Variants in ARHGAP39 observed in about 807,000 individuals in gnomAD.
ARHGAP39 encodes the protein rho GTPase-activating protein 39.
ARHGAP39 carries 44 observed loss-of-function variants against 106.9 expected under a neutral mutation model. The ratio of observed to expected loss-of-function variants is 0.41; its 90% CI spans 0.32 to 0.53. The LOEUF (loss-of-function observed/expected upper bound fraction) is 0.53. Ranked by LOEUF, ARHGAP39 falls within the 20% of genes least tolerant of loss-of-function variation. The pLI, the probability that ARHGAP39 is intolerant of heterozygous loss-of-function variation, is 0.21. For synonymous variants in ARHGAP39, 768 were observed against 693.2 expected (o/e 1.11, Z -1.69); for missense variants, 1,496 against 1,577.3 (o/e 0.95, Z 0.87).
At chr8:144,557,625 A>G (rs1165874026) in intron 3 of ARHGAP39, among the ~76,000 whole-genome samples, 1 of 146,510 alleles carries the variant, frequency 6.8e-6, no homozygotes, top group East Asian at 2.0e-4. Flanking sequence ...GAACCTTCGT[A>G]GTATTCAGAG....
intron 3 of ARHGAP39, 85 bp downstream of exon 3, chr8:144,580,761 C>CT: frequency 6.7e-6 from 1 of 149,934 alleles, no homozygotes; most frequent in Non-Finnish European, 1.4e-5. Flanking sequence ...TCACCTGGCC[C>CT]CGCCCACCAC....
intron 1 of ARHGAP39, among the ~76,000 whole-genome samples, chr8:144,674,512 G>A (rs1219991406): frequency 6.6e-6 from 1 of 152,176 alleles, no homozygotes; most frequent in Admixed American, 6.5e-5. Context: ...GGGTGGCCAT[G>A]GGCAGGCCCA....
In ARHGAP39 at chr8:144,545,630, C is replaced by T. The variant is rs746640924; in HGVS notation, c.2140G>A (p.Val714Met). 7 of 1,613,570 alleles carry T rather than the reference C, an allele frequency of 4.3e-6. No individual in the cohort carries two copies. In the Admixed American group the frequency reaches 8.3e-5, roughly 19 times the overall value. ...KHTQGLFRRKVSIANMLAWSS... is the reference protein window; with the variant it reads ...KHTQGLFRRKMSIANMLAWSS... ...CAGGCCAGCATGTTGGCGATGGACA[C>T]CTTCCGCCGGAAGAGGCCCTGCGTG... The change falls in exon 6 of 12, where the codon GTG becomes ATG. Residue 714 changes from valine (V) to methionine (M), a missense_variant. This residue lies in a region of ARHGAP39 where 470 missense variants were observed against 605.1 expected (regional missense o/e 0.78). Coordinates refer to ENST00000377307, the MANE Select transcript of ARHGAP39 (RefSeq NM_025251.3).
intron 10 of ARHGAP39, among the ~76,000 whole-genome samples, chr8:144,531,207 A>T (rs572067058): frequency 0.06 from 7,864 of 131,560 alleles, 1,434 homozygotes; most frequent in African/African-American, 0.29. Flanking sequence ...GCAGGTGGGG[A>T]GTGGGCTAGA....
rs1205756211 is a variant in ARHGAP39 at position 144,587,444 on chromosome 8, G to T, written c.81-6167C>A. On this transcript the variant is annotated intron_variant, in intron 2 of 11. Transcript: ENST00000377307. ...GTAGAGGGTGTATAAAGAATTGAGT[G>T]GAAAATCTAAAATGTCAAAATAAAT... Among the ~76,000 whole-genome samples, 3 of 152,230 alleles carry T rather than the reference G, an allele frequency of 2.0e-5. No homozygotes were observed. The East Asian group carries it at 5.8e-4, about 29-fold the overall frequency.
intron 6 of ARHGAP39, among the ~76,000 whole-genome samples, chr8:144,538,732 G>A (rs1193708601): frequency 1.3e-5 from 2 of 152,068 alleles, no homozygotes; most frequent in Admixed American, 6.6e-5. Context: ...CACCACATCT[G>A]ACTAATTTTT....
rs1392617577 is a variant in ARHGAP39 at position 144,537,808 on chromosome 8, G to C, written c.2527C>G (p.Gln843Glu). ...MDPVNDTKVT[Q>E]HIKELLERNT... ...CTTTCCAGGAGCTCTTTTATGTGCT[G>C]TGTCACTGGGGAGCAAAGACAACCA... Residue 843 changes from glutamine (Q) to glutamate (E), a missense_variant, in exon 7 of 12, where the codon CAG becomes GAG. Around this residue, in one of 4 missense-constraint regions of ARHGAP39, gnomAD observed 470 missense variants for 605.1 expected, o/e 0.78. Coordinates refer to ENST00000377307, the MANE Select transcript of ARHGAP39 (RefSeq NM_025251.3). The C allele has an allele frequency of 2.5e-6, 4 of 1,613,820 alleles. No individual in the cohort carries two copies. Among genetic ancestry groups the C allele is most frequent in the African/African-American group, 2.7e-5 (2 of 74,926 alleles).
At chr8:144,685,186 C>A (rs1461666321) in intron 1 of ARHGAP39, among the ~76,000 whole-genome samples, 3 of 149,708 alleles carry the variant, frequency 2.0e-5, no homozygotes. Context: ...TCACACCCCC[C>A]TGGGGCCGGA....
chr8:144,609,553 C>G (rs1281454538), intron 1 of ARHGAP39, among the ~76,000 whole-genome samples: 1 of 151,984 alleles, frequency 6.6e-6, no homozygotes, highest in Admixed American at 6.6e-5. Context: ...AGGCACCCAC[C>G]ACTATGCCCA....
chr8:144,670,423 A>G lies in ARHGAP39; in HGVS notation c.-82+15263T>C, dbSNP rs1283787092. On this transcript the variant is annotated intron_variant, in intron 1 of 11. Coordinates refer to ENST00000377307, the MANE Select transcript of ARHGAP39 (RefSeq NM_025251.3). The surrounding 1 kb of genome is among the most constrained non-coding windows in gnomAD (Gnocchi z 4.4). ...ACCTCTGCCATCTCCCCTCAGCCTCAGCCCCACTGTCATTCACCTAAACCA... is the reference window on the plus strand; with the variant it reads ...ACCTCTGCCATCTCCCCTCAGCCTCGGCCCCACTGTCATTCACCTAAACCA... Among the ~76,000 whole-genome samples, 2 of 152,138 alleles carry G rather than the reference A, an allele frequency of 1.3e-5. No homozygotes were observed. The highest frequency in any genetic ancestry group is 2.9e-5 in the Non-Finnish European group (2 of 68,010).
In ARHGAP39 at chr8:144,620,241, CTGTT is replaced by C. The variant is rs142192998; in HGVS notation, c.-81-14550_-81-14547del. On this transcript the variant is annotated intron_variant, in intron 1 of 11. Transcript: ENST00000377307. ...CCTGAGAAAGTGTGTGTGCCCGTGTCTGTTAGCCTGTGTGTCCAAGGGAGCGTGT... is the reference window on the plus strand; with the variant it reads ...CCTGAGAAAGTGTGTGTGCCCGTGTCAGCCTGTGTGTCCAAGGGAGCGTGT... Among the ~76,000 whole-genome samples, 533 of 125,814 alleles carry C rather than the reference CTGTT, an allele frequency of 4.2e-3. 7 individuals are homozygous for C. Among genetic ancestry groups the C allele is most frequent in the African/African-American group, 0.015 (507 of 32,908 alleles). 82.5% of individuals were successfully genotyped at this position (125,814 alleles called of 152,430 possible).
intron 1 of ARHGAP39, among the ~76,000 whole-genome samples, chr8:144,622,059 C>T (rs1439296614): frequency 6.6e-6 from 1 of 152,158 alleles, no homozygotes; most frequent in Non-Finnish European, 1.5e-5. Flanking sequence ...ATTTACCCCA[C>T]AGAAAGCAGG....
chr8:144,564,810 TA>T (rs761575851), intron 3 of ARHGAP39, among the ~76,000 whole-genome samples: 488 of 109,334 alleles, frequency 4.5e-3, no homozygotes, highest in Middle Eastern at 5.3e-3. Context: ...GTGAGATCTC[TA>T]AAAAAAAAAA....
intron 1 of ARHGAP39, among the ~76,000 whole-genome samples, chr8:144,664,325 T>A (rs1821906626): frequency 6.6e-6 from 1 of 152,160 alleles, no homozygotes; most frequent in South Asian, 2.1e-4. Context: ...GCCAGCAGGA[T>A]CCTTTTAAAA....
At chr8:144,692,388 C>A in the ARHGAP39 span, among the ~76,000 whole-genome samples, 1 of 152,180 alleles carries the variant, frequency 6.6e-6, no homozygotes, top group Non-Finnish European at 1.5e-5. Flanking sequence ...AGACATCAGC[C>A]CCTCAGCTGT....
chr8:144,673,462 A>C (rs2129733927), intron 1 of ARHGAP39, among the ~76,000 whole-genome samples: 1 of 152,352 alleles, frequency 6.6e-6, no homozygotes, highest in South Asian at 2.1e-4. Context: ...TAGTATATTC[A>C]CAGATATGTG....
intron 2 of ARHGAP39, among the ~76,000 whole-genome samples, chr8:144,588,986 G>A (rs1586584607): frequency 6.6e-6 from 1 of 152,248 alleles, no homozygotes; most frequent in East Asian, 1.9e-4. Context: ...GGGACATCAG[G>A]ATCAATGTCA....
upstream of ARHGAP39, among the ~76,000 whole-genome samples, chr8:144,689,059 A>C (rs561871145): frequency 1.3e-5 from 2 of 152,250 alleles, no homozygotes; most frequent in South Asian, 4.2e-4. Context: ...TCCACACATC[A>C]AAACCAACGA....
At chr8:144,666,895 A>G (rs936548366) in intron 1 of ARHGAP39, among the ~76,000 whole-genome samples, 1 of 152,194 alleles carries the variant, frequency 6.6e-6, no homozygotes, top group African/African-American at 2.4e-5. Context: ...CGTGAAAAAG[A>G]GGAAGATAAA....
Sources: gnomAD v4.1 joint callset for allele counts (sites outside exome capture counted in the v4.1 genomes callset) on GRCh38, gnomAD v4.1.1 for gene constraint, gnomAD v4.1.1 regional missense constraint, Gnocchi (gnomAD v3.1) non-coding constraint, MANE v1.5 for transcripts, NCBI Gene and HGNC (gene_info 2026-07-23, HGNC 2026-07-21) for gene names.